Variants in SND1 observed in about 807,000 individuals in gnomAD.
The protein encoded by SND1 is staphylococcal nuclease and tudor domain containing 1, also known as staphylococcal nuclease domain-containing protein 1.
A neutral mutation model predicts 121.7 loss-of-function variants in SND1; 38 were observed. The ratio of observed to expected loss-of-function variants is 0.31; its 90% CI spans 0.24 to 0.41. The LOEUF (loss-of-function observed/expected upper bound fraction) is 0.41, where lower values mean the gene tolerates loss of function less well. Among genes scored for constraint, SND1 ranks in the 10% least tolerant of loss-of-function variants. The probability of loss-of-function intolerance (pLI) is 1.00; values close to 1 mark genes in which losing one functional copy is unlikely to be tolerated. For missense variants in SND1, 868 were observed against 1,184.6 expected, an observed-to-expected ratio of 0.73 and a Z score of 3.92; for synonymous variants, 401 against 447.4, an observed-to-expected ratio of 0.90 and a Z score of 1.31.
chr7:127,889,505 C>T lies in SND1; in HGVS notation c.1454+1493C>T, dbSNP rs1361915327. Among the ~76,000 whole-genome samples the T allele has an allele frequency of 3.3e-5, 5 of 152,114 alleles. No homozygotes were observed. The East Asian group carries it at 7.7e-4, about 24-fold the overall frequency. On this transcript the variant is annotated intron_variant, in intron 13 of 23. Transcript: ENST00000354725. Reference sequence around the variant, plus strand: ...TCTGTCCTCTCAAGTATTTATCCTTCATGTTACAAACAATCTAGTTATACT... The same window carrying T: ...TCTGTCCTCTCAAGTATTTATCCTTTATGTTACAAACAATCTAGTTATACT...
intron 1 of SND1, among the ~76,000 whole-genome samples, chr7:127,679,583 T>TTCCC (rs1353157578): frequency 6.6e-6 from 1 of 152,212 alleles, no homozygotes; most frequent in Non-Finnish European, 1.5e-5. Context: ...CATTAGTATA[T>TTCCC]TCCCCACTCT....
At chr7:127,990,567 G>C (rs1802498114) in intron 15 of SND1, among the ~76,000 whole-genome samples, 1 of 152,210 alleles carries the variant, frequency 6.6e-6, no homozygotes, top group Admixed American at 6.5e-5. Flanking sequence ...TGGGATATCA[G>C]TAGGTGAGGG....
At position 127,888,145 on chromosome 7, in the gene SND1, T is replaced by C. The variant is rs2286908; in HGVS notation, c.1454+133T>C. On this transcript the variant is annotated intron_variant, in intron 13 of 23. Transcript: ENST00000354725. ...GAAAGCATGTATTATTATTCTAGAT[T>C]TTCCCCATGAAAAGAAGGACACACT... The C allele has an allele frequency of 7.8e-4, 442 of 565,980 alleles. 4 individuals are homozygous for C. The East Asian group carries it at 7.9e-3, about 10-fold the overall frequency. 35.1% of individuals were successfully genotyped at this position (565,980 alleles called of 1,614,324 possible).
intron 15 of SND1, among the ~76,000 whole-genome samples, chr7:127,951,350 C>T (rs966885130): frequency 3.3e-5 from 5 of 152,110 alleles, no homozygotes; most frequent in African/African-American, 4.8e-5. Flanking sequence ...ATTCCAGTTA[C>T]GCGAGGTAAC....
intron 15 of SND1, among the ~76,000 whole-genome samples, chr7:127,966,961 C>CT (rs1801866783): frequency 6.6e-6 from 1 of 152,184 alleles, no homozygotes; most frequent in Admixed American, 6.5e-5. Flanking sequence ...CGGCATATTT[C>CT]TAACGGGGCA....
At chr7:128,030,428 C>T in intron 16 of SND1, 1 of 1,613,892 alleles carries the variant, frequency 6.2e-7, no homozygotes, top group Non-Finnish European at 8.5e-7. Context: ...AGGGAATACC[C>T]TGCGGGACCT....
intron 15 of SND1, among the ~76,000 whole-genome samples, chr7:127,933,727 T>C (rs938122276): frequency 1.3e-5 from 2 of 152,240 alleles, no homozygotes; most frequent in Non-Finnish European, 2.9e-5. Flanking sequence ...GAGTTTACCT[T>C]GCCCCTCAAT....
At chr7:127,694,970 C>T (rs761143706) in intron 3 of SND1, 22 bp downstream of exon 3, 5 of 1,604,174 alleles carry the variant, frequency 3.1e-6, no homozygotes, top group Middle Eastern at 1.7e-4. Flanking sequence ...GGAGAGGACT[C>T]ATTTCTCTCA....
At chr7:127,775,184 C>T (rs536011236) in intron 10 of SND1, among the ~76,000 whole-genome samples, 53 of 152,190 alleles carry the variant, frequency 3.5e-4, no homozygotes, top group Admixed American at 8.5e-4. Flanking sequence ...GAGGCAAGGA[C>T]GGATTATTCC....
chr7:127,957,756 A>G (rs1318814450), intron 15 of SND1, among the ~76,000 whole-genome samples: 1 of 152,144 alleles, frequency 6.6e-6, no homozygotes, highest in Non-Finnish European at 1.5e-5. Context: ...GCTGGAGTGC[A>G]GTGGCTCAAT....
chr7:128,026,324 C>G (rs1268568687), intron 16 of SND1, among the ~76,000 whole-genome samples: 1 of 152,170 alleles, frequency 6.6e-6, no homozygotes. Flanking sequence ...TGTGCCCATA[C>G]ATATGTGCTG....
intron 14 of SND1, among the ~76,000 whole-genome samples, chr7:127,914,051 C>T (rs866872812): frequency 5.3e-5 from 8 of 152,092 alleles, no homozygotes; most frequent in East Asian, 1.9e-4. Context: ...CTCAGTTGTT[C>T]AGCAAATGGT....
intron 11 of SND1, among the ~76,000 whole-genome samples, chr7:127,810,148 C>T (rs1327410897): frequency 2.0e-5 from 3 of 152,138 alleles, no homozygotes; most frequent in Non-Finnish European, 2.9e-5. Context: ...CATCAGCGTG[C>T]GACTAATCTG....
intron 22 of SND1, 53 bp from the exon 23 acceptor site, chr7:128,091,784 C>T (rs1034623151): frequency 1.3e-6 from 2 of 1,592,728 alleles, no homozygotes; most frequent in African/African-American, 1.3e-5. Context: ...GTCCTGCTGG[C>T]TGATCATTTG....
intron 10 of SND1, among the ~76,000 whole-genome samples, chr7:127,775,816 T>C (rs1797609790): frequency 6.6e-6 from 1 of 152,094 alleles, no homozygotes; most frequent in African/African-American, 2.4e-5. Context: ...CTGTTATATA[T>C]AGCAATGCAA....
At chr7:127,666,783 C>T (rs1158842872) in intron 1 of SND1, among the ~76,000 whole-genome samples, 1 of 151,988 alleles carries the variant, frequency 6.6e-6, no homozygotes, top group Non-Finnish European at 1.5e-5. Flanking sequence ...TTGATGTGTG[C>T]AGATCTGTGT....
intron 15 of SND1, among the ~76,000 whole-genome samples, chr7:127,948,923 C>T (rs577300312): frequency 2.0e-5 from 3 of 152,250 alleles, no homozygotes; most frequent in South Asian, 2.1e-4. Flanking sequence ...TTAAGGCTAC[C>T]GATTTAAACA....
At chr7:127,656,470 G>A (rs546186573) in intron 1 of SND1, among the ~76,000 whole-genome samples, 10 of 151,990 alleles carry the variant, frequency 6.6e-5, no homozygotes, top group Admixed American at 2.0e-4. Flanking sequence ...TTACAGGCGC[G>A]TGTCAGCATG....
At chr7:127,836,563 T>G (rs555177459) in intron 11 of SND1, among the ~76,000 whole-genome samples, 11 of 152,322 alleles carry the variant, frequency 7.2e-5, no homozygotes, top group African/African-American at 2.6e-4. Flanking sequence ...TAAAGGTTGT[T>G]GCAGAGCTCA....
Sources: gnomAD v4.1 joint callset for allele counts (sites outside exome capture counted in the v4.1 genomes callset) on GRCh38, gnomAD v4.1.1 for gene constraint, MANE v1.5 for transcripts, NCBI Gene and HGNC (gene_info 2026-07-23, HGNC 2026-07-21) for gene names.